The following TOX2 variants were observed in gnomAD, a reference collection of about 807,000 sequenced individuals.
TOX2 encodes the protein TOX high mobility group box family member 2.
Under a neutral mutation model 47.4 loss-of-function variants are expected in TOX2, and 15 were observed. That is an observed-to-expected ratio of 0.32 (90% CI 0.21 to 0.49). TOX2 has a LOEUF of 0.49. Among genes scored for constraint, TOX2 ranks in the 20% least tolerant of loss-of-function variants. TOX2 has a pLI of 0.99. For missense variants in TOX2, 622 were observed against 673.1 expected, an observed-to-expected ratio of 0.92 and a Z score of 0.84; for synonymous variants, 290 against 296.6, an observed-to-expected ratio of 0.98 and a Z score of 0.23.
chr20:44,014,467 T>G (rs2145628582), intron 3 of TOX2, among the ~76,000 whole-genome samples: 2 of 152,270 alleles, frequency 1.3e-5, no homozygotes, highest in Admixed American at 6.5e-5. Flanking sequence ...GTTTTCTCTG[T>G]GCATTTTTGG....
At chr20:44,056,919 G>GT (rs1225800734) in intron 5 of TOX2, among the ~76,000 whole-genome samples, 1 of 151,908 alleles carries the variant, frequency 6.6e-6, no homozygotes, top group Non-Finnish European at 1.5e-5. Flanking sequence ...TTTGTTATTT[G>GT]TTTTTTAAGA....
intron 3 of TOX2, among the ~76,000 whole-genome samples, chr20:44,009,869 T>C (rs888556382): frequency 2.6e-5 from 4 of 152,130 alleles, no homozygotes; most frequent in African/African-American, 9.7e-5. Flanking sequence ...TTGGGGCCAC[T>C]GTGTTGCCGC....
At chr20:44,062,596 A>G (rs1396507447) in intron 5 of TOX2, among the ~76,000 whole-genome samples, 1 of 152,146 alleles carries the variant, frequency 6.6e-6, no homozygotes, top group African/African-American at 2.4e-5. Context: ...ATTAAATGCA[A>G]TTCCCATCAA....
intron 3 of TOX2, among the ~76,000 whole-genome samples, chr20:44,045,387 A>G (rs1279365277): frequency 6.6e-6 from 1 of 152,224 alleles, no homozygotes; most frequent in Non-Finnish European, 1.5e-5. Context: ...GTACTCCTAT[A>G]GAAGCAGGTA....
At chr20:43,942,717 G>GA (rs889703230) in intron 1 of TOX2, among the ~76,000 whole-genome samples, 45 of 151,998 alleles carry the variant, frequency 3.0e-4, no homozygotes, top group Non-Finnish European at 5.4e-4. Context: ...AAAAAGAAAA[G>GA]AAAAAAGAAA....
chr20:43,978,519 A>C (rs558315147), intron 2 of TOX2, among the ~76,000 whole-genome samples: 2 of 152,282 alleles, frequency 1.3e-5, no homozygotes, highest in African/African-American at 4.8e-5. Flanking sequence ...TTGGTCACAC[A>C]AGAGCTTCTG....
At chr20:44,063,733 T>C (rs6073305) in intron 5 of TOX2, among the ~76,000 whole-genome samples, 114,784 of 151,974 alleles carry the variant, frequency 0.76, 43,721 homozygotes, top group African/African-American at 0.85. Context: ...GAAAATGTGC[T>C]ACATATATAT....
intron 1 of TOX2, among the ~76,000 whole-genome samples, chr20:43,941,236 A>G (rs568954342): frequency 1.3e-5 from 2 of 152,118 alleles, no homozygotes; most frequent in East Asian, 3.9e-4. Flanking sequence ...TTAAGAAAAA[A>G]AGTTGGTTCT....
At chr20:43,986,759 C>T (rs2070274654) in intron 2 of TOX2, among the ~76,000 whole-genome samples, 1 of 152,156 alleles carries the variant, frequency 6.6e-6, no homozygotes, top group South Asian at 2.1e-4. Flanking sequence ...AGTAATTCAA[C>T]TCCACAAATG....
chr20:43,919,244 G>A (rs2069088413), intron 1 of TOX2, among the ~76,000 whole-genome samples: 1 of 152,220 alleles, frequency 6.6e-6, no homozygotes, highest in Non-Finnish European at 1.5e-5. Flanking sequence ...AACTGATGCT[G>A]CAGCAGTGAA....
At position 43,928,997 on chromosome 20, in the gene TOX2, A is replaced by AACAACAAC. The variant is rs1555829658; in HGVS notation, c.99+14008_99+14009insCAACAACA. On this transcript the variant is annotated intron_variant, in intron 1 of 8. Coordinates refer to ENST00000341197, the MANE Select transcript of TOX2 (RefSeq NM_001098797.2). ...TAAAAATATGAAAAAAAAAAAAAAAAAACAACAACAAAAAAACTGGGCATG... is the reference window on the plus strand; with the variant it reads ...TAAAAATATGAAAAAAAAAAAAAAAAACAACAACAACAACAACAAAAAAACTGGGCATG... Among the ~76,000 whole-genome samples the AACAACAAC allele has an allele frequency of 7.3e-4, 110 of 149,674 alleles. 1 individual carries two copies. Among genetic ancestry groups the AACAACAAC allele is most frequent in the African/African-American group, 2.6e-3 (103 of 39,718 alleles).
chr20:43,944,782 A>G (rs919059412), intron 1 of TOX2, among the ~76,000 whole-genome samples: 1 of 152,250 alleles, frequency 6.6e-6, no homozygotes, highest in African/African-American at 2.4e-5. Flanking sequence ...AATTAGTTTA[A>G]TAGCACCTGG....
At chr20:44,067,969 C>T (rs1336179073) in intron 8 of TOX2, among the ~76,000 whole-genome samples, 1 of 152,200 alleles carries the variant, frequency 6.6e-6, no homozygotes, top group Non-Finnish European at 1.5e-5. Flanking sequence ...CCTCGGCCTC[C>T]CAGCACACGG....
intron 1 of TOX2, among the ~76,000 whole-genome samples, chr20:43,971,338 G>A (rs139237796): frequency 2.6e-5 from 4 of 152,296 alleles, no homozygotes; most frequent in South Asian, 2.1e-4. Flanking sequence ...CAGGGACTTC[G>A]GAACAAAGAC....
intron 2 of TOX2, among the ~76,000 whole-genome samples, chr20:43,976,566 T>A (rs2070079737): frequency 6.6e-6 from 1 of 152,204 alleles, no homozygotes; most frequent in South Asian, 2.1e-4. Context: ...GGCTGCAAAA[T>A]ATTGTGGCCT....
At chr20:43,966,386 A>G (rs926462772) in intron 1 of TOX2, among the ~76,000 whole-genome samples, 17 of 152,178 alleles carry the variant, frequency 1.1e-4, no homozygotes, top group African/African-American at 3.9e-4. Context: ...AGAAATAAAG[A>G]AGGGCCTAGG....
At chr20:43,927,745 TTCCCTCCTTCCTTCCCTCCC>T (rs969641552) in intron 1 of TOX2, among the ~76,000 whole-genome samples, 8 of 144,480 alleles carry the variant, frequency 5.5e-5, no homozygotes, top group Middle Eastern at 6.9e-3. Flanking sequence ...CCTTCCTTCC[TTCCCTCCTTCCTTCCCTCCC>T]TCCCTCCCTC....
intron 1 of TOX2, among the ~76,000 whole-genome samples, chr20:43,918,414 C>A (rs1474914266): frequency 1.3e-5 from 2 of 152,178 alleles, no homozygotes; most frequent in South Asian, 2.1e-4. Flanking sequence ...CATCCCAGTC[C>A]AGATAGAGAA....
chr20:43,950,477 TCCCCTC>T (rs1018550671), intron 1 of TOX2, among the ~76,000 whole-genome samples: 23 of 152,072 alleles, frequency 1.5e-4, no homozygotes, highest in African/African-American at 5.1e-4. Context: ...CTCTCTGGCC[TCCCCTC>T]CCCCTCCCCA....
Sources: allele counts gnomAD v4.1 joint callset (sites outside exome capture counted in the v4.1 genomes callset), GRCh38; gene constraint gnomAD v4.1.1; transcripts MANE v1.5; gene names NCBI Gene and HGNC (gene_info 2026-07-23, HGNC 2026-07-21).